The following SI variants were observed in gnomAD, a reference collection of about 807,000 sequenced individuals.
SI encodes the protein sucrase-isomaltase, also known as sucrase-isomaltase, intestinal.
Under a neutral mutation model 253.3 loss-of-function variants are expected in SI, and 235 were observed. The observed-to-expected ratio is 0.93, with a 90% CI of 0.83 to 1.03. The LOEUF is 1.03. SI is among the 50% of genes least tolerant of loss of function. The pLI is 0.00. For synonymous variants in SI, 819 were observed against 712.0 expected (o/e 1.15, Z -2.39); for missense variants, 2,442 against 2,211.1 (o/e 1.10, Z -2.09).
rs138434001 is a variant in SI at position 165,059,937 on chromosome 3, C to T, written c.1111G>A (p.Val371Met). Residue 371 changes from valine to methionine, a missense_variant, in exon 10 of 48, where the codon GTG (valine) becomes ATG (methionine). Physicochemically the swap from Val to Met is conservative, Grantham distance 21. Coordinates refer to ENST00000264382, the MANE Select transcript of SI (RefSeq NM_001041.4). Reference sequence around the variant, plus strand: ...CCAGCTTCCCGGTTTCTCCTTACCACTTCTTTCACTACATCTAGTGACTTA... The same window carrying T: ...CCAGCTTCCCGGTTTCTCCTTACCATTTCTTTCACTACATCTAGTGACTTA... Reference protein sequence around the residue: ...NYKSLDVVKEVVRRNREAGIP... With the variant: ...NYKSLDVVKEMVRRNREAGIP... The T allele has an allele frequency of 2.5e-3, 4,110 of 1,612,066 alleles. 5 individuals are homozygous for T. The highest frequency in any genetic ancestry group is 3.2e-3 in the Non-Finnish European group (3,810 of 1,178,558).
At chr3:164,997,442 CTT>C (rs35001354) in intron 38 of SI, among the ~76,000 whole-genome samples, 2 of 142,908 alleles carry the variant, frequency 1.4e-5, no homozygotes, top group African/African-American at 2.5e-5. Flanking sequence ...CGAAATGTTT[CTT>C]TTTTTTTTTT....
Position 165,049,809 on chromosome 3 carries a change from A to C in SI, c.1579T>G (p.Tyr527Asp). 1 of 1,600,272 alleles carries C rather than the reference A, an allele frequency of 6.2e-7. No individual in the cohort carries two copies. Among genetic ancestry groups the C allele is most frequent in the Non-Finnish European group, 8.6e-7 (1 of 1,168,468 alleles). ...ATTTTACCAGGAGTAAACGGTGGAT[A>C]ATTCAATTTGTTTACATTACATCCT... ...TKGCNVNKLN[Y>D]PPFTPDILDK... Residue 527 changes from tyrosine to aspartate, a missense_variant, in exon 14 of 48, where the codon TAT becomes GAT. Physicochemically the swap from Tyr to Asp is radical, Grantham distance 160. Coordinates refer to ENST00000264382, the MANE Select transcript of SI (RefSeq NM_001041.4).
At position 165,031,357 on chromosome 3, in the gene SI, A is replaced by G. The variant is rs1257194304; in HGVS notation, c.2737-490T>C. ...GCAGAATTATGAAGATTATATATAT[A>G]TAATATATATATATTTATAAGCATA... On this transcript the variant is annotated intron_variant, in intron 24 of 47. Coordinates refer to ENST00000264382, the MANE Select transcript of SI (RefSeq NM_001041.4). Among the ~76,000 whole-genome samples, 3 of 147,574 alleles carry G rather than the reference A, an allele frequency of 2.0e-5. No individual in the cohort carries two copies. The East Asian group carries it at 5.9e-4, about 29-fold the overall frequency.
upstream of SI, among the ~76,000 whole-genome samples, chr3:165,082,287 G>A (rs1229730552): frequency 2.6e-5 from 4 of 151,954 alleles, no homozygotes; most frequent in African/African-American, 9.6e-5. Context: ...CTTCCTCAGT[G>A]TCTCATACGT....
the SI span, among the ~76,000 whole-genome samples, chr3:165,087,223 C>T: frequency 2.0e-5 from 3 of 152,120 alleles, no homozygotes; most frequent in East Asian, 5.8e-4. Flanking sequence ...GGTCTCCTTG[C>T]CACTGGGTTG....
chr3:165,050,098 A>T (rs1248782050), intron 13 of SI, among the ~76,000 whole-genome samples: 2 of 152,118 alleles, frequency 1.3e-5, no homozygotes, highest in East Asian at 1.9e-4. Context: ...AATGTAGTTC[A>T]TGTGTCTAGT....
the SI span, among the ~76,000 whole-genome samples, chr3:165,088,349 AAAAT>A: frequency 1.3e-5 from 2 of 151,398 alleles, no homozygotes; most frequent in African/African-American, 4.9e-5. Flanking sequence ...TCTCTCTCAA[AAAAT>A]AAATAAATAG....
Position 165,064,925 on chromosome 3 carries a change from C to T in SI, c.807+336G>A, listed in dbSNP as rs530111697. Among the ~76,000 whole-genome samples the T allele has an allele frequency of 2.6e-5, 4 of 152,062 alleles. No homozygotes were observed. The East Asian group carries it at 5.8e-4, about 22-fold the overall frequency. ...TTGTATTATATGAAGACATGTAAAA[C>T]AGTGTTTGGAATTATTCTAGTGCAA... On this transcript the variant is annotated intron_variant, in intron 7 of 47. Transcript: ENST00000264382.
rs769030904 is a variant in SI, at chr3:165,023,665, T to C, written c.3004A>G (p.Asn1002Asp). 1.2e-6 allele frequency: 2 copies of C among 1,610,878 alleles called. No homozygotes were observed. Among genetic ancestry groups the C allele is most frequent in the South Asian group, 1.1e-5 (1 of 91,048 alleles). Reference sequence around the variant, plus strand: ...AACTTTATTCTGGCATTTGCAGTATTTAGTTGGAGGTCAGCTGTTATACCC... The same window carrying C: ...AACTTTATTCTGGCATTTGCAGTATCTAGTTGGAGGTCAGCTGTTATACCC... The part of the protein sequence containing the change: ...SMGITADLQL[N>D]TANARIKLPS... The change falls in exon 26 of 48, where the codon AAT becomes GAT. Residue 1002 changes from asparagine (N) to aspartate (D), a missense_variant. Transcript: ENST00000264382.
At chr3:165,007,763 A>T in intron 36 of SI, 148 bp downstream of exon 36, 1 of 247,230 alleles carries the variant, frequency 4.0e-6, no homozygotes, top group East Asian at 9.1e-5. Flanking sequence ...TACCTTCTAT[A>T]TATATCAAAC....
the SI span, among the ~76,000 whole-genome samples, chr3:165,087,127 GA>G: frequency 6.8e-6 from 1 of 147,972 alleles, no homozygotes; most frequent in African/African-American, 2.5e-5. Context: ...AGAAACAAAC[GA>G]ACAAATACAC....
At chr3:165,018,258 T>C (rs1410738948) in intron 28 of SI, among the ~76,000 whole-genome samples, 192 bp from the exon 29 acceptor site, 3 of 151,416 alleles carry the variant, frequency 2.0e-5, no homozygotes, top group Non-Finnish European at 3.0e-5. Flanking sequence ...TCTGCTTTCG[T>C]GCAGTTTACA....
intron 45 of SI, among the ~76,000 whole-genome samples, chr3:164,986,175 A>C (rs2108115093): frequency 6.6e-6 from 1 of 152,220 alleles, no homozygotes; most frequent in Non-Finnish European, 1.5e-5. Flanking sequence ...TTCTCAGAAT[A>C]AAGGTCCCAG....
At chr3:164,987,396 AATGAT>A (rs1403085990) in intron 44 of SI, among the ~76,000 whole-genome samples, 170 bp from the exon 45 acceptor site, 2 of 152,178 alleles carry the variant, frequency 1.3e-5, no homozygotes, top group Non-Finnish European at 2.9e-5. Flanking sequence ...AGTTAACAGG[AATGAT>A]ATAAAACAAT....
chr3:165,056,758 A>G (rs1489594096), intron 12 of SI, among the ~76,000 whole-genome samples: 3 of 152,120 alleles, frequency 2.0e-5, no homozygotes, highest in Non-Finnish European at 4.4e-5. Context: ...GAGCCATGGC[A>G]TTATTGGGCT....
In SI at chr3:165,004,904, C is replaced by A. The variant is rs537434119; in HGVS notation, c.4406+1912G>T. Reference sequence around the variant, plus strand: ...TTGCAATCCCCACCTGTCAAGGGAGCGACCTGGTGGGAGGTGATTCCATCA... The same window carrying A: ...TTGCAATCCCCACCTGTCAAGGGAGAGACCTGGTGGGAGGTGATTCCATCA... On this transcript the variant is annotated intron_variant, in intron 37 of 47. Coordinates refer to ENST00000264382, the MANE Select transcript of SI (RefSeq NM_001041.4). 5.3e-5 allele frequency among the ~76,000 whole-genome samples: 8 copies of A among 152,134 alleles called. No individual in the cohort carries two copies. The East Asian group carries it at 1.6e-3, about 30-fold the overall frequency.
upstream of SI, among the ~76,000 whole-genome samples, chr3:165,079,253 A>G (rs1336734538): frequency 6.6e-6 from 1 of 151,604 alleles, no homozygotes; most frequent in Admixed American, 6.6e-5. Context: ...ATTGTGGGCA[A>G]AATACTACCT....
intron 24 of SI, among the ~76,000 whole-genome samples, chr3:165,032,285 T>C (rs1233501530): frequency 3.3e-5 from 5 of 151,022 alleles, no homozygotes; most frequent in African/African-American, 7.3e-5. Flanking sequence ...AAATGAAATA[T>C]ATAGAGAGAA....
At chr3:165,070,077 A>G (rs923409579) in intron 3 of SI, among the ~76,000 whole-genome samples, 1 of 147,088 alleles carries the variant, frequency 6.8e-6, no homozygotes, top group Non-Finnish European at 1.5e-5. Flanking sequence ...TATAATATAT[A>G]TAGTATATGT....
Sources: gnomAD v4.1 joint callset for allele counts (sites outside exome capture counted in the v4.1 genomes callset) on GRCh38, gnomAD v4.1.1 for gene constraint, MANE v1.5 for transcripts, NCBI Gene and HGNC (gene_info 2026-07-23, HGNC 2026-07-21) for gene names.